The following BBS2 variants were observed in gnomAD, a reference collection of about 807,000 sequenced individuals.
BBS2 encodes the protein Bardet-Biedl syndrome 2.
BBS2 carries 62 observed loss-of-function variants against 83.0 expected under a neutral mutation model. That is an observed-to-expected ratio of 0.75 (90% CI 0.61 to 0.92). The LOEUF (loss-of-function observed/expected upper bound fraction) is 0.92, where lower values mean the gene tolerates loss of function less well. BBS2 is among the 40% of genes least tolerant of loss of function. The pLI is 0.00. For synonymous variants in BBS2, 303 were observed against 326.1 expected (o/e 0.93, Z 0.76); for missense variants, 784 against 901.0 (o/e 0.87, Z 1.66).
rs945249709 is a variant in BBS2, at chr16:56,519,969, A to G, written c.-107T>C. The G allele has an allele frequency of 1.1e-5, 11 of 980,434 alleles. No individual in the cohort carries two copies. The African/African-American group carries it at 1.8e-4, about 16-fold the overall frequency. The allele number at this position is 980,434 out of a possible 1,614,324, so 60.7% of individuals were successfully genotyped here. ...GCAGGGACACTACCTGCGCGGCCCC[A>G]GCCGCCTCAGGCCGGACGCGAAACA... On this transcript the variant is annotated 5_prime_UTR_variant, in exon 1 of 17. Coordinates refer to ENST00000245157, the MANE Select transcript of BBS2 (RefSeq NM_031885.5).
chr16:56,496,433 A>C (rs1964118585), intron 15 of BBS2, among the ~76,000 whole-genome samples: 1 of 152,118 alleles, frequency 6.6e-6, no homozygotes, highest in Non-Finnish European at 1.5e-5. Flanking sequence ...TCTTCCCTGA[A>C]TTTATATTTT....
intron 15 of BBS2, among the ~76,000 whole-genome samples, chr16:56,496,591 T>G (rs1209003437): frequency 6.6e-6 from 1 of 152,254 alleles, no homozygotes; most frequent in Non-Finnish European, 1.5e-5. Context: ...TGGAGATTCA[T>G]GTGCTCTCAC....
At chr16:56,500,352 G>A (rs765987651) in intron 11 of BBS2, 15 of 255,142 alleles carry the variant, frequency 5.9e-5, no homozygotes, top group South Asian at 4.4e-4. Flanking sequence ...TTAGCCAGGC[G>A]TGGTGGCTCA....
chr16:56,501,552 C>T, intron 9 of BBS2, 55 bp from the exon 10 acceptor site: 3 of 1,609,736 alleles, frequency 1.9e-6, no homozygotes, highest in Non-Finnish European at 2.6e-6. Context: ...GAACTAATAT[C>T]AATTTTAAAT....
intron 17 of BBS2, among the ~76,000 whole-genome samples, chr16:56,471,079 C>T (rs1046782956): frequency 2.0e-5 from 3 of 151,764 alleles, no homozygotes; most frequent in South Asian, 4.2e-4. Flanking sequence ...AGGCCAGGTG[C>T]GGTGGCTTAC....
At chr16:56,482,957 C>G (rs147078347), downstream of BBS2, among the ~76,000 whole-genome samples, 144 of 152,334 alleles carry the variant, frequency 9.5e-4, no homozygotes, top group Middle Eastern at 3.4e-3. Flanking sequence ...CCCTCTTACT[C>G]TCTTCTACCG....
intron 1 of BBS2, among the ~76,000 whole-genome samples, chr16:56,518,141 A>G (rs753881756): frequency 2.0e-5 from 3 of 152,078 alleles, no homozygotes; most frequent in Admixed American, 6.5e-5. Flanking sequence ...AACTGTAACA[A>G]TAACTAACAT....
At chr16:56,475,441 T>A in intron 17 of BBS2, 1 of 1,430,008 alleles carries the variant, frequency 7.0e-7, no homozygotes, top group Middle Eastern at 1.8e-4. Flanking sequence ...GGATCAGTGA[T>A]TTAAGTAGAT....
At position 56,510,026 on chromosome 16, in the gene BBS2, A is replaced by G; in HGVS notation, c.543T>C (p.Val181=). The change falls in exon 5 of 17, where the codon GTT becomes GTC. Residue 181 remains valine (V), a synonymous_variant. Transcript: ENST00000245157. ...FDGDGKKELL[V]GSEDFDIRVF... is the part of the protein sequence containing the mutation. ...CTCGGATATCAAAATCCTCAGATCC[A>G]ACAAGAAGCTGAAGGGGAAATATCA... 6.2e-7 allele frequency: 1 copy of G among 1,614,136 alleles called. No homozygotes were observed. Among genetic ancestry groups the G allele is most frequent in the African/African-American group, 1.3e-5 (1 of 75,072 alleles).
In BBS2 at chr16:56,515,755, A is replaced by G. The variant is rs567292808; in HGVS notation, c.118-1075T>C. Among the ~76,000 whole-genome samples the G allele has an allele frequency of 1.2e-4, 18 of 152,358 alleles. 1 individual carries two copies. Among genetic ancestry groups the G allele is most frequent in the African/African-American group, 4.3e-4 (18 of 41,594 alleles). On this transcript the variant is annotated intron_variant, in intron 1 of 16. Transcript: ENST00000245157. ...CGTGCAGCCACTGAACACTGCCTTC[A>G]TGTTCCGTTTGTGTAACACTTTATA...
chr16:56,506,459 CT>C (rs1425129245), intron 5 of BBS2, among the ~76,000 whole-genome samples: 1 of 152,098 alleles, frequency 6.6e-6, no homozygotes, highest in East Asian at 1.9e-4. Flanking sequence ...TTAGAGCAAC[CT>C]TATGTGGCAA....
intron 11 of BBS2, 200 bp from the exon 12 acceptor site, chr16:56,500,107 A>G (rs539308264): frequency 1.9e-5 from 11 of 573,126 alleles, no homozygotes; most frequent in African/African-American, 1.5e-4. Flanking sequence ...GCATGAGTCT[A>G]CATATATACC....
intron 17 of BBS2, chr16:56,476,082 G>A (rs1330233212): frequency 6.2e-7 from 1 of 1,613,602 alleles, no homozygotes; most frequent in African/African-American, 1.3e-5. Context: ...CTTTGGCATT[G>A]GTCTACAGAG....
At chr16:56,495,845 T>C (rs950347244) in intron 15 of BBS2, among the ~76,000 whole-genome samples, 1 of 151,818 alleles carries the variant, frequency 6.6e-6, no homozygotes, top group South Asian at 2.1e-4. Context: ...TCTGAAATAG[T>C]TGTGGCTAGA....
At chr16:56,519,672 G>C in intron 1 of BBS2, 74 bp downstream of exon 1, 2 of 1,263,162 alleles carry the variant, frequency 1.6e-6, no homozygotes, top group Non-Finnish European at 2.3e-6. Context: ...GAGGGGACGG[G>C]ATCCCAGGGG....
Position 56,510,197 on chromosome 16 carries a change from G to A in BBS2, c.535-163C>T, listed in dbSNP as rs558970930. 3.9e-5 allele frequency among the ~76,000 whole-genome samples: 6 copies of A among 152,272 alleles called. No homozygotes were observed. The South Asian group carries it at 1.2e-3, about 32-fold the overall frequency. On this transcript the variant is annotated intron_variant, in intron 4 of 16. Coordinates refer to ENST00000245157, the MANE Select transcript of BBS2 (RefSeq NM_031885.5). ...TCAGAAATGCTCCCTCTAATGGGAG[G>A]ATCAGCAGATTCAATCAATGAAGGA... is the stretch of plus-strand genomic sequence containing the variant.
In BBS2 at chr16:56,511,223, G is replaced by T. The variant is rs373166163; in HGVS notation, c.407C>A (p.Ala136Glu). ...GTLGDISSPL[A>E]IIGGNCALQG... ...CAGAGCACAATTGCCACCAATAATC[G>T]CAAGAGGGGAAGAAATGTCTCCCAA... Residue 136 changes from alanine to glutamate, a missense_variant, in exon 3 of 17, where the codon GCG becomes GAG. Transcript: ENST00000245157. 5.0e-6 allele frequency: 8 copies of T among 1,613,968 alleles called. No homozygotes were observed. The East Asian group carries it at 1.1e-4, about 22-fold the overall frequency.
chr16:56,499,002 A>G, intron 12 of BBS2: 1 of 295,586 alleles, frequency 3.4e-6, no homozygotes, highest in Non-Finnish European at 6.5e-6. Flanking sequence ...AAAATGAAGT[A>G]TACATGGGCA....
intron 5 of BBS2, among the ~76,000 whole-genome samples, chr16:56,507,602 A>G (rs978285801): frequency 3.9e-5 from 6 of 152,120 alleles, no homozygotes; most frequent in African/African-American, 1.4e-4. Context: ...GGGAGGTTGC[A>G]AACCCCTTTA....
Sources: allele counts gnomAD v4.1 joint callset (sites outside exome capture counted in the v4.1 genomes callset), GRCh38; gene constraint gnomAD v4.1.1; transcripts MANE v1.5; gene names NCBI Gene and HGNC (gene_info 2026-07-23, HGNC 2026-07-21).